RHD: variants seen among roughly 807,000 people sequenced by gnomAD.
The protein encoded by RHD is blood group Rh(D) polypeptide.
RHD carries 16 observed loss-of-function variants against 45.5 expected under a neutral mutation model. That is an observed-to-expected ratio of 0.35 (90% CI 0.24 to 0.53). RHD has a LOEUF of 0.53. Ranked by LOEUF, RHD falls within the 20% of genes least tolerant of loss-of-function variation. The pLI is 0.92. For synonymous variants in RHD, 131 were observed against 217.5 expected (o/e 0.60, Z 3.50); for missense variants, 306 against 532.0 (o/e 0.58, Z 4.18).
rs1642371653 is a variant in RHD at position 25,290,245 on chromosome 1, TCTGTTGAGCATCC to T, written c.336-395_336-383del. Among the ~76,000 whole-genome samples, 5 of 127,072 alleles carry T rather than the reference TCTGTTGAGCATCC, an allele frequency of 3.9e-5. 2 individuals are homozygous for T. The highest frequency in any genetic ancestry group is 1.4e-4 in the African/African-American group (5 of 36,594). 83.4% of individuals were successfully genotyped at this position (127,072 alleles called of 152,430 possible). A position where few individuals can be genotyped will look rare whatever the true frequency, so the allele number is the denominator to read the frequency against. ...GCAGGCCTGCGGGGGAAGAGTGCCC[TCTGTTGAGCATCC>T]GAATGATGGCAGCAGAAAAGAAGAC... is the stretch of plus-strand genomic sequence containing the variant. On this transcript the variant is annotated intron_variant, in intron 2 of 9. Coordinates refer to ENST00000328664, the MANE Select transcript of RHD (RefSeq NM_016124.6).
chr1:25,316,773 A>G (rs1644463948), intron 7 of RHD, among the ~76,000 whole-genome samples: 1 of 99,190 alleles, frequency 1.0e-5, no homozygotes, highest in Non-Finnish European at 2.5e-5. Flanking sequence ...AGGTGCTGGG[A>G]ACTAAAATAA....
intron 7 of RHD, among the ~76,000 whole-genome samples, chr1:25,310,993 GA>G (rs1644115893): frequency 7.8e-6 from 1 of 128,052 alleles, no homozygotes; most frequent in Non-Finnish European, 1.8e-5. Flanking sequence ...AAAAAAGAAA[GA>G]AAAAGAATGG....
intron 2 of RHD, among the ~76,000 whole-genome samples, chr1:25,287,888 A>T (rs1642179763): frequency 7.9e-6 from 1 of 125,944 alleles, no homozygotes; most frequent in Non-Finnish European, 1.9e-5. Flanking sequence ...ATGCCCTGCT[A>T]ATTTTTGTAT....
intron 3 of RHD, among the ~76,000 whole-genome samples, chr1:25,291,460 A>T (rs1366102006): frequency 7.6e-6 from 1 of 131,436 alleles, no homozygotes; most frequent in African/African-American, 2.6e-5. Flanking sequence ...CAAGAGCAAG[A>T]CTTCATCTCA....
intron 8 of RHD, among the ~76,000 whole-genome samples, chr1:25,319,707 T>C (rs1308609576): frequency 7.6e-6 from 1 of 132,156 alleles, no homozygotes; most frequent in East Asian, 2.0e-4. Flanking sequence ...AAGCATTTAA[T>C]TTGTTAATTG....
In RHD at chr1:25,303,327, T is replaced by C; in HGVS notation, c.807T>C (p.Tyr269=). Residue 269 remains tyrosine, a synonymous_variant, in exon 6 of 10, where the codon TAT becomes TAC. Transcript: ENST00000328664. ...AHPQGKISKT[Y]VHSAVLAGGV... ...CACACGCTATTTCTTTGCAGACTTATGTGCACAGTGCGGTGTTGGCAGGAG... is the reference window on the plus strand; with the variant it reads ...CACACGCTATTTCTTTGCAGACTTACGTGCACAGTGCGGTGTTGGCAGGAG... 7.3e-7 allele frequency: 1 copy of C among 1,367,310 alleles called. No homozygotes were observed. Among genetic ancestry groups the C allele is most frequent in the East Asian group, 2.2e-5 (1 of 44,644 alleles). 84.7% of individuals were successfully genotyped at this position (1,367,310 alleles called of 1,614,324 possible). A position where few individuals can be genotyped will look rare whatever the true frequency, so the allele number is the denominator to read the frequency against.
At chr1:25,274,927 G>T (rs148860017) in intron 1 of RHD, among the ~76,000 whole-genome samples, 1 of 131,300 alleles carries the variant, frequency 7.6e-6, no homozygotes, top group Non-Finnish European at 1.8e-5. Context: ...CAGCCTGGGC[G>T]CCAGAGTGAG....
chr1:25,319,920 C>T (rs139254424), intron 8 of RHD, among the ~76,000 whole-genome samples: 1,890 of 130,036 alleles, frequency 0.015, 296 homozygotes, highest in African/African-American at 0.045. Context: ...TTTTTTTAGA[C>T]GCAGTTTTGC....
rs1337910843 is a variant in RHD at position 25,305,477 on chromosome 1, A to T, written c.940-1119A>T. On this transcript the variant is annotated intron_variant, in intron 6 of 9. Transcript: ENST00000328664. Reference sequence around the variant, plus strand: ...AGTGGTGCAATCTCAGCTCACTGCAACCTCCACCTCCTGGGTTCAAGTGAT... The same window carrying T: ...AGTGGTGCAATCTCAGCTCACTGCATCCTCCACCTCCTGGGTTCAAGTGAT... Among the ~76,000 whole-genome samples, 2 of 20,158 alleles carry T rather than the reference A, an allele frequency of 9.9e-5. 1 individual carries two copies. The highest frequency in any genetic ancestry group is 1.4e-4 in the African/African-American group (2 of 14,356). The allele number at this position is 20,158 out of a possible 152,430, so 13.2% of individuals were successfully genotyped here.
chr1:25,320,383 A>C (rs1644637359), intron 8 of RHD, among the ~76,000 whole-genome samples: 1 of 132,334 alleles, frequency 7.6e-6, no homozygotes, highest in Non-Finnish European at 1.8e-5. Flanking sequence ...CTCAGAAGAC[A>C]AAATATATTT....
Position 25,277,782 on chromosome 1 carries a change from C to G in RHD, c.148+5087C>G, listed in dbSNP as rs1339075196. On this transcript the variant is annotated intron_variant, in intron 1 of 9. Coordinates refer to ENST00000328664, the MANE Select transcript of RHD (RefSeq NM_016124.6). ...CTCCACCTCCCAGGTTCAAGTAATT[C>G]TCCTGCCTCAGCCTCCCGAGTAGCT... Among the ~76,000 whole-genome samples, 2 of 121,514 alleles carry G rather than the reference C, an allele frequency of 1.6e-5. 1 individual carries two copies. Among genetic ancestry groups the G allele is most frequent in the Non-Finnish European group, 3.9e-5 (2 of 51,446 alleles). The allele number at this position is 121,514 out of a possible 152,430, so 79.7% of individuals were successfully genotyped here. A position where few individuals can be genotyped will look rare whatever the true frequency, so the allele number is the denominator to read the frequency against.
Position 25,303,801 on chromosome 1 carries a change from T to A in RHD, c.939+342T>A, listed in dbSNP as rs1164636151. Among the ~76,000 whole-genome samples the A allele has an allele frequency of 1.1e-4, 15 of 130,948 alleles. 4 individuals are homozygous for A. Among genetic ancestry groups the A allele is most frequent in the Non-Finnish European group, 2.2e-4 (12 of 55,378 alleles). The allele number at this position is 130,948 out of a possible 152,430, so 85.9% of individuals were successfully genotyped here. ...TCTTTGCTTTTCCTGAATATCTGCT[T>A]TATTCTTACTCTATAGACATGCTTC... On this transcript the variant is annotated intron_variant, in intron 6 of 9. Transcript: ENST00000328664.
intron 3 of RHD, among the ~76,000 whole-genome samples, chr1:25,292,331 C>T (rs1291907624): frequency 2.3e-5 from 3 of 132,542 alleles, no homozygotes; most frequent in African/African-American, 7.7e-5. Context: ...TCAGAAAAGA[C>T]TGAAGGGGCA....
Position 25,295,848 on chromosome 1 carries a change from A to G in RHD, c.486+5057A>G, listed in dbSNP as rs1642893186. On this transcript the variant is annotated intron_variant, in intron 3 of 9. Coordinates refer to ENST00000328664, the MANE Select transcript of RHD (RefSeq NM_016124.6). ...ACAATGGTCTGGGAGGGAATATGGG[A>G]AATTTTTTTTTTTTTTTTTTTTTTT... is the stretch of plus-strand genomic sequence containing the variant. 7.6e-5 allele frequency among the ~76,000 whole-genome samples: 3 copies of G among 39,378 alleles called. 1 individual carries two copies. The highest frequency in any genetic ancestry group is 2.3e-3 in the South Asian group (2 of 878). The allele number at this position is 39,378 out of a possible 152,430, so 25.8% of individuals were successfully genotyped here.
chr1:25,322,083 A>G, intron 9 of RHD, 121 bp downstream of exon 9: 1 of 538,200 alleles, frequency 1.9e-6, no homozygotes, highest in Middle Eastern at 3.1e-4. Flanking sequence ...AGTAAGGAGC[A>G]TTGCAGGAGG....
Position 25,288,275 on chromosome 1 carries a change from T to C in RHD, c.336-2366T>C, listed in dbSNP as rs2986148. ...TCAAGTGATCTGCCCACCTCGGCTC[T>C]GAAAAGTACTGGAATTACAGCCTCC... On this transcript the variant is annotated intron_variant, in intron 2 of 9. Transcript: ENST00000328664. Among the ~76,000 whole-genome samples the C allele has an allele frequency of 5.2e-3, 673 of 129,360 alleles. 87 individuals are homozygous for C. The highest frequency in any genetic ancestry group is 0.015 in the African/African-American group (586 of 38,210). 84.9% of individuals were successfully genotyped at this position (129,360 alleles called of 152,430 possible).
intron 9 of RHD, among the ~76,000 whole-genome samples, chr1:25,323,393 C>G (rs77160738): frequency 4.0e-5 from 4 of 99,772 alleles, no homozygotes; most frequent in African/African-American, 1.4e-4. Flanking sequence ...ATTCCTCCCT[C>G]CCTACCCACC....
chr1:25,285,676 CTA>C (rs1159890940), intron 2 of RHD, among the ~76,000 whole-genome samples: 1 of 135,322 alleles, frequency 7.4e-6, no homozygotes, highest in East Asian at 1.9e-4. Flanking sequence ...AAAATGTTCT[CTA>C]TGTTCACCTG....
chr1:25,286,532 A>T (rs1262856766), intron 2 of RHD, among the ~76,000 whole-genome samples: 1 of 134,960 alleles, frequency 7.4e-6, no homozygotes, highest in African/African-American at 2.6e-5. Context: ...CATGCCTGTA[A>T]TCCCAGCACT....
Sources: gnomAD v4.1 joint callset for allele counts (sites outside exome capture counted in the v4.1 genomes callset) on GRCh38, gnomAD v4.1.1 for gene constraint, MANE v1.5 for transcripts, NCBI Gene and HGNC (gene_info 2026-07-23, HGNC 2026-07-21) for gene names.